Variants in FGF13 observed in about 807,000 individuals in gnomAD.
FGF13 encodes fibroblast growth factor homologous factor 2.
A neutral mutation model predicts 19.5 loss-of-function variants in FGF13; 2 were observed. That is an observed-to-expected ratio of 0.10 (90% CI 0.04 to 0.32). The LOEUF (loss-of-function observed/expected upper bound fraction) is 0.32. Among genes scored for constraint, FGF13 ranks in the 10% least tolerant of loss-of-function variants. The pLI, the probability that FGF13 is intolerant of heterozygous loss-of-function variation, is 1.00. For missense variants in FGF13, 113 were observed against 192.7 expected, an observed-to-expected ratio of 0.59 and a Z score of 2.45; for synonymous variants, 72 against 76.9, an observed-to-expected ratio of 0.94 and a Z score of 0.33.
chrX:139,146,334 G>A (rs1428581353), intron 1 of FGF13, among the ~76,000 whole-genome samples: 9 of 112,282 alleles, frequency 8.0e-5, no homozygotes, highest in Non-Finnish European at 1.5e-4. Flanking sequence ...CTTCTCAAAA[G>A]AAGACATTTA....
chrX:138,873,506 A>G (rs1410242614), intron 1 of FGF13, among the ~76,000 whole-genome samples: 1 of 111,863 alleles, frequency 8.9e-6, no homozygotes, highest in African/African-American at 3.3e-5. Context: ...CAAAGGGGAA[A>G]TAAAGCTGTG....
intron 3 of FGF13, among the ~76,000 whole-genome samples, chrX:138,698,024 T>C (rs996012276): frequency 9.0e-6 from 1 of 111,147 alleles, no homozygotes; most frequent in Non-Finnish European, 1.9e-5. Context: ...ATAACAACTT[T>C]CTTGCAGTCC....
chrX:138,701,615 C>CT (rs2089946732), intron 3 of FGF13, among the ~76,000 whole-genome samples: 1 of 112,345 alleles, frequency 8.9e-6, no homozygotes, highest in African/African-American at 3.2e-5. Flanking sequence ...TGATAATTCT[C>CT]TTTTTTTCAT....
chrX:138,870,140 A>G (rs888580718), intron 1 of FGF13, among the ~76,000 whole-genome samples: 2 of 111,915 alleles, frequency 1.8e-5, no homozygotes, highest in African/African-American at 6.5e-5. Flanking sequence ...TAGCTGGTTA[A>G]TTGAGGTTTT....
chrX:138,965,398 G>A, intron 1 of FGF13, among the ~76,000 whole-genome samples: 1 of 112,343 alleles, frequency 8.9e-6, no homozygotes, highest in African/African-American at 3.2e-5. Flanking sequence ...TGACACAAAG[G>A]ATGGACTTGA....
chrX:139,197,707 G>A (rs1255650116), intron 1 of FGF13, among the ~76,000 whole-genome samples: 1 of 111,594 alleles, frequency 9.0e-6, no homozygotes, highest in Non-Finnish European at 1.9e-5. Context: ...AATAAAAATA[G>A]GAGGCCAGGT....
At chrX:138,913,693 G>A (rs1463969455) in intron 1 of FGF13, among the ~76,000 whole-genome samples, 1 of 104,812 alleles carries the variant, frequency 9.5e-6, no homozygotes, top group East Asian at 3.1e-4. Context: ...AGGAAGGAAG[G>A]AAGGAAGGAA....
Position 139,191,434 on chromosome X carries a change from G to A in FGF13, c.-113+11982C>T, listed in dbSNP as rs748433455. Among the ~76,000 whole-genome samples the A allele has an allele frequency of 3.6e-5, 4 of 112,074 alleles. No individual in the cohort carries two copies. The South Asian group carries it at 1.5e-3, about 42-fold the overall frequency. On this transcript the variant is annotated intron_variant, in intron 1 of 2. Coordinates refer to the FGF13 transcript ENST00000421460. The stretch of plus-strand genomic sequence containing the variant: ...GCTTTTATGTCCAGTGGGGTGGAGG[G>A]AGGAAGCTCGGTGTGTTTTAAACGG...
chrX:138,895,839 T>G (rs770322780), intron 1 of FGF13, among the ~76,000 whole-genome samples: 1 of 112,039 alleles, frequency 8.9e-6, no homozygotes, highest in African/African-American at 3.2e-5. Flanking sequence ...TAAGGAAATT[T>G]TATCACATGC....
In FGF13 at chrX:138,961,528, T is replaced by G. The variant is rs995630295; in HGVS notation, c.-112-96878A>C. Among the ~76,000 whole-genome samples the G allele has an allele frequency of 9.9e-5, 11 of 111,484 alleles. No homozygotes were observed. In the Admixed American group the frequency reaches 1.1e-3, roughly 11 times the overall value. Reference sequence around the variant, plus strand: ...AGAACCACTGCTCTCTTCAAAGCTGTCAGACAGGGACGTTAAAGTCTGCAG... The same window carrying G: ...AGAACCACTGCTCTCTTCAAAGCTGGCAGACAGGGACGTTAAAGTCTGCAG... On this transcript the variant is annotated intron_variant, in intron 1 of 2. Coordinates refer to the FGF13 transcript ENST00000421460.
At chrX:138,993,873 A>G (rs1330814793) in intron 1 of FGF13, among the ~76,000 whole-genome samples, 2 of 111,804 alleles carry the variant, frequency 1.8e-5, no homozygotes, top group Non-Finnish European at 3.8e-5. Context: ...TACAGTGTCA[A>G]AAACCTAGTA....
intron 1 of FGF13, among the ~76,000 whole-genome samples, chrX:139,067,348 T>C (rs934740115): frequency 1.8e-5 from 2 of 111,886 alleles, no homozygotes; most frequent in Admixed American, 9.5e-5. Context: ...AAATTGTCCC[T>C]GTTTGCAGAT....
intron 1 of FGF13, among the ~76,000 whole-genome samples, chrX:138,943,771 G>A (rs1156939745): frequency 2.7e-5 from 3 of 111,530 alleles, no homozygotes; most frequent in South Asian, 3.9e-4. Context: ...TCACTGCTGA[G>A]AATAATTCCA....
intron 1 of FGF13, among the ~76,000 whole-genome samples, chrX:138,899,603 C>A (rs1193682535): frequency 9.0e-6 from 1 of 111,123 alleles, no homozygotes; most frequent in Non-Finnish European, 1.9e-5. Flanking sequence ...GAAAAGCTTT[C>A]TGGATCTCAA....
At chrX:139,039,074 C>A (rs1433440928) in intron 1 of FGF13, among the ~76,000 whole-genome samples, 2 of 112,113 alleles carry the variant, frequency 1.8e-5, no homozygotes, top group Non-Finnish European at 3.8e-5. Flanking sequence ...GATTTGAAAC[C>A]AAGCCTTCTT....
chrX:138,867,830 T>TATCTATCA (rs2091336917), intron 1 of FGF13, among the ~76,000 whole-genome samples: 1 of 85,053 alleles, frequency 1.2e-5, no homozygotes, highest in Non-Finnish European at 2.4e-5. Flanking sequence ...TCTATCTATC[T>TATCTATCA]ATCATCTATC....
At chrX:138,721,676 T>C (rs1046254925) in intron 1 of FGF13, among the ~76,000 whole-genome samples, 5 of 110,779 alleles carry the variant, frequency 4.5e-5, no homozygotes, top group African/African-American at 1.3e-4. Context: ...GGTGCTTCAC[T>C]GATCCCCTCT....
At chrX:138,959,716 G>A (rs1028981083) in intron 1 of FGF13, among the ~76,000 whole-genome samples, 1 of 111,747 alleles carries the variant, frequency 8.9e-6, no homozygotes. Context: ...TATATTGGGT[G>A]CATATATATT....
chrX:138,968,441 C>T lies in FGF13; in HGVS notation c.-112-103791G>A, dbSNP rs2091903254. ...CCTCCCTCACTTTCTCCCTTCTTCT[C>T]CCCATCCCTCTCTCCTTTTTATTTC... On this transcript the variant is annotated intron_variant, in intron 1 of 2. Transcript: ENST00000421460. Among the ~76,000 whole-genome samples, 3 of 111,830 alleles carry T rather than the reference C, an allele frequency of 2.7e-5. No individual in the cohort carries two copies. In the Admixed American group the frequency reaches 2.9e-4, roughly 11 times the overall value.
Sources: gnomAD v4.1 joint callset for allele counts (sites outside exome capture counted in the v4.1 genomes callset) on GRCh38, gnomAD v4.1.1 for gene constraint, MANE v1.5 for transcripts, NCBI Gene and HGNC (gene_info 2026-07-23, HGNC 2026-07-21) for gene names.